LSAMP: variants seen among roughly 807,000 people sequenced by gnomAD.
LSAMP encodes the protein limbic system associated membrane protein.
In LSAMP, 7 loss-of-function variants were observed where a neutral mutation model predicts 38.6. That is an observed-to-expected ratio of 0.18 (90% confidence interval 0.10 to 0.34). The LOEUF (loss-of-function observed/expected upper bound fraction) is 0.34, where lower values mean the gene tolerates loss of function less well. Among genes scored for constraint, LSAMP ranks in the 10% least tolerant of loss-of-function variants. The probability of loss-of-function intolerance (pLI) is 1.00; values close to 1 mark genes in which losing one functional copy is unlikely to be tolerated. For synonymous variants in LSAMP, 154 were observed against 166.8 expected (o/e 0.92, Z 0.59); for missense variants, 313 against 420.0 (o/e 0.75, Z 2.23).
At chr3:116,378,319 A>G (rs949539630) in intron 1 of LSAMP, among the ~76,000 whole-genome samples, 1 of 151,986 alleles carries the variant, frequency 6.6e-6, no homozygotes, top group African/African-American at 2.4e-5. Context: ...TCTTGCTGGC[A>G]CACTAATTTT....
intron 1 of LSAMP, among the ~76,000 whole-genome samples, chr3:116,170,232 A>G (rs1325339551): frequency 1.3e-5 from 2 of 152,214 alleles, no homozygotes; most frequent in Non-Finnish European, 2.9e-5. Flanking sequence ...AGAAAAAAGT[A>G]ACGAAGAAGT....
chr3:115,840,204 C>A (rs1220538864), intron 6 of LSAMP, among the ~76,000 whole-genome samples: 4 of 152,184 alleles, frequency 2.6e-5, no homozygotes, highest in Non-Finnish European at 5.9e-5. Context: ...TGCTTGCTTT[C>A]TGTAACTCAT....
At chr3:115,812,125 G>C (rs1407211432) in intron 6 of LSAMP, among the ~76,000 whole-genome samples, 4 of 152,186 alleles carry the variant, frequency 2.6e-5, no homozygotes, top group Non-Finnish European at 4.4e-5. Flanking sequence ...TGATAGGAGA[G>C]TTTTGGCTAG....
chr3:116,343,102 C>T (rs532517537), intron 1 of LSAMP, among the ~76,000 whole-genome samples: 6 of 151,988 alleles, frequency 3.9e-5, no homozygotes, highest in African/African-American at 7.2e-5. Context: ...AAAAACAAAA[C>T]AACAATAACA....
chr3:116,224,424 C>G (rs1041607223), intron 1 of LSAMP, among the ~76,000 whole-genome samples: 5 of 152,128 alleles, frequency 3.3e-5, no homozygotes, highest in African/African-American at 9.7e-5. Flanking sequence ...TGCTGCCTTT[C>G]CTTTTAGAAT....
At chr3:115,904,883 A>AGGTTTTG (rs201517715) in intron 3 of LSAMP, among the ~76,000 whole-genome samples, 1,910 of 152,258 alleles carry the variant, frequency 0.013, 16 homozygotes, top group Non-Finnish European at 0.02. Context: ...TTTCAAAACT[A>AGGTTTTG]GGTTTTGTTG....
At chr3:115,846,442 G>A (rs980504508) in intron 4 of LSAMP, among the ~76,000 whole-genome samples, 2 of 152,132 alleles carry the variant, frequency 1.3e-5, no homozygotes, top group African/African-American at 4.8e-5. Context: ...GGGAATATTA[G>A]TATAAAAGAA....
chr3:116,147,184 T>G (rs576503389), intron 1 of LSAMP, among the ~76,000 whole-genome samples: 4 of 151,922 alleles, frequency 2.6e-5, no homozygotes, highest in South Asian at 4.1e-4. Context: ...CTATTTGTCA[T>G]TATTCTAAAT....
At chr3:116,400,219 C>G (rs887269343) in intron 1 of LSAMP, among the ~76,000 whole-genome samples, 1 of 151,910 alleles carries the variant, frequency 6.6e-6, no homozygotes, top group African/African-American at 2.4e-5. Context: ...CCTTTTTTCT[C>G]ACAGCTTTAG....
chr3:116,170,912 T>A (rs1710182147), intron 1 of LSAMP, among the ~76,000 whole-genome samples: 1 of 152,108 alleles, frequency 6.6e-6, no homozygotes, highest in Non-Finnish European at 1.5e-5. Context: ...TTCTCTATGT[T>A]CGTTCAATCC....
intron 3 of LSAMP, among the ~76,000 whole-genome samples, chr3:115,939,651 C>G (rs1937841938): frequency 1.3e-5 from 2 of 151,218 alleles, no homozygotes; most frequent in Admixed American, 1.3e-4. Flanking sequence ...CTCACTTGGG[C>G]TCAAGTGATC....
chr3:116,432,841 G>A (rs909780685), intron 1 of LSAMP, among the ~76,000 whole-genome samples: 1 of 152,040 alleles, frequency 6.6e-6, no homozygotes, highest in Non-Finnish European at 1.5e-5. Context: ...TGATTGTTGT[G>A]GTGATGATCA....
At chr3:116,210,873 T>C (rs185237518) in intron 1 of LSAMP, among the ~76,000 whole-genome samples, 2 of 152,214 alleles carry the variant, frequency 1.3e-5, no homozygotes, top group East Asian at 3.9e-4. Context: ...CGAAGAGATA[T>C]CCAGCTTTTA....
In LSAMP at chr3:115,880,779, C is replaced by T. The variant is rs373371939; in HGVS notation, c.515-28162G>A. On this transcript the variant is annotated intron_variant, in intron 3 of 6. Coordinates refer to ENST00000490035, the MANE Select transcript of LSAMP (RefSeq NM_002338.5). ...GGGTGTGGTGGCTCATGCCAGTAAT[C>T]CCAGCACTTTGGGAGGCTGAGGCGG... Among the ~76,000 whole-genome samples, 377 of 152,178 alleles carry T rather than the reference C, an allele frequency of 2.5e-3. 5 individuals are homozygous for T. Among genetic ancestry groups the T allele is most frequent in the South Asian group, 0.018 (85 of 4,820 alleles).
intron 1 of LSAMP, among the ~76,000 whole-genome samples, chr3:116,346,959 T>C (rs2048071027): frequency 6.6e-6 from 1 of 152,166 alleles, no homozygotes; most frequent in African/African-American, 2.4e-5. Flanking sequence ...GTTTCTGGAC[T>C]TAATAAATAA....
intron 1 of LSAMP, among the ~76,000 whole-genome samples, chr3:116,441,198 TC>T (rs1165655058): frequency 6.6e-6 from 1 of 152,208 alleles, no homozygotes; most frequent in African/African-American, 2.4e-5. Context: ...AATGTTATTA[TC>T]ATTAAAAGTA....
chr3:115,980,215 C>T (rs1286632551), intron 3 of LSAMP, among the ~76,000 whole-genome samples: 2 of 151,750 alleles, frequency 1.3e-5, no homozygotes, highest in Non-Finnish European at 2.9e-5. Context: ...ATTCATTTCC[C>T]TCTTAACAAA....
intron 1 of LSAMP, among the ~76,000 whole-genome samples, chr3:116,391,739 G>C (rs1217033480): frequency 6.6e-6 from 1 of 152,214 alleles, no homozygotes; most frequent in Non-Finnish European, 1.5e-5. Flanking sequence ...TGGGGGCTGA[G>C]CCCGGGGTGA....
chr3:116,189,656 C>T (rs1002160311), intron 1 of LSAMP, among the ~76,000 whole-genome samples: 1 of 152,144 alleles, frequency 6.6e-6, no homozygotes, highest in Admixed American at 6.5e-5. Context: ...TCCTACAATG[C>T]ATTTTGGTGT....
Sources: gnomAD v4.1 joint callset for allele counts (sites outside exome capture counted in the v4.1 genomes callset) on GRCh38, gnomAD v4.1.1 for gene constraint, MANE v1.5 for transcripts, NCBI Gene and HGNC (gene_info 2026-07-23, HGNC 2026-07-21) for gene names.